SUPT6H: variants seen among roughly 807,000 people sequenced by gnomAD.
SUPT6H encodes the protein SPT6 homolog, histone chaperone and transcription elongation factor, also known as transcription elongation factor SPT6.
Under a neutral mutation model 222.3 loss-of-function variants are expected in SUPT6H, and 11 were observed. The observed-to-expected ratio is 0.05, with a 90% CI of 0.03 to 0.08. The LOEUF is 0.08. SUPT6H is among the 10% of genes least tolerant of loss of function. The pLI is 1.00. For synonymous variants in SUPT6H, 762 were observed against 801.2 expected, an observed-to-expected ratio of 0.95 and a Z score of 0.83; for missense variants, 1,422 against 2,216.0, an observed-to-expected ratio of 0.64 and a Z score of 7.19.
rs1408296042 is a variant in SUPT6H at position 28,667,403 on chromosome 17, GTGTATATATATATATATA to G, written c.-32+5063_-32+5080del. Among the ~76,000 whole-genome samples, 290 of 42,372 alleles carry G rather than the reference GTGTATATATATATATATA, an allele frequency of 6.8e-3. 3 individuals carry two copies. The highest frequency in any genetic ancestry group is 0.036 in the Middle Eastern group (1 of 28). The allele number at this position is 42,372 out of a possible 152,430, so 27.8% of individuals were successfully genotyped here. A position where few individuals can be genotyped will look rare whatever the true frequency, so the allele number is the denominator to read the frequency against. ...AAAAAAAAAAAAAAAAAGTGTGTGT[GTGTATATATATATATATA>G]TATATATATATATATGTATGTGTGT... On this transcript the variant is annotated intron_variant, in intron 1 of 36. Transcript: ENST00000314616.
Position 28,676,435 on chromosome 17 carries a change from A to G in SUPT6H, c.897+5A>G. The G allele has an allele frequency of 6.2e-6, 10 of 1,613,622 alleles. No homozygotes were observed. Among genetic ancestry groups the G allele is most frequent in the Non-Finnish European group, 8.5e-6 (10 of 1,180,008 alleles). ...GACCTGCCTGAGAGGTTCCAGGTAA[A>G]AAACCACCAGCCTCTGCTCTTCTAC... is the stretch of plus-strand genomic sequence containing the variant. On this transcript the variant is annotated splice_donor_5th_base_variant and intron_variant, in intron 7 of 36. Transcript: ENST00000314616.
intron 33 of SUPT6H, 54 bp downstream of exon 33, chr17:28,699,947 C>T: frequency 6.4e-7 from 1 of 1,552,848 alleles, no homozygotes; most frequent in Non-Finnish European, 8.9e-7. Flanking sequence ...CACCTAGGAC[C>T]TGACTCAGAG....
At chr17:28,665,532 C>T (rs982135126) in intron 1 of SUPT6H, among the ~76,000 whole-genome samples, 2 of 152,052 alleles carry the variant, frequency 1.3e-5, no homozygotes, top group African/African-American at 2.4e-5. Context: ...CTGAGGCAGG[C>T]GGATCACCTG....
intron 1 of SUPT6H, 79 bp downstream of exon 1, chr17:28,662,421 G>A (rs1357519657): frequency 1.9e-5 from 3 of 154,776 alleles, no homozygotes; most frequent in Admixed American, 6.4e-5. Flanking sequence ...TCACGTAAGG[G>A]AAGAGGCAGT....
chr17:28,679,796 C>A (rs1296337334), intron 11 of SUPT6H, among the ~76,000 whole-genome samples: 2 of 151,582 alleles, frequency 1.3e-5, no homozygotes, highest in East Asian at 4.0e-4. Context: ...TCGAGACCAG[C>A]CTGGCCAACA....
chr17:28,687,046 T>G (rs2031417805), intron 21 of SUPT6H, 42 bp from the exon 22 acceptor site: 1 of 1,605,606 alleles, frequency 6.2e-7, no homozygotes, highest in African/African-American at 1.3e-5. Flanking sequence ...ATGTTGTAGC[T>G]AAGGGGATTT....
chr17:28,671,514 G>T (rs2030415561), intron 1 of SUPT6H, among the ~76,000 whole-genome samples: 1 of 152,194 alleles, frequency 6.6e-6, no homozygotes, highest in Non-Finnish European at 1.5e-5. Context: ...GAGTGATGCT[G>T]AGTGTGTCAG....
chr17:28,668,320 A>G (rs968539024), intron 1 of SUPT6H, among the ~76,000 whole-genome samples: 1 of 152,248 alleles, frequency 6.6e-6, no homozygotes, highest in African/African-American at 2.4e-5. Flanking sequence ...ATAATCATAC[A>G]CAAATAAATA....
chr17:28,694,878 C>A (rs1342405717), intron 28 of SUPT6H: 1 of 154,328 alleles, frequency 6.5e-6, no homozygotes, highest in African/African-American at 2.4e-5. Context: ...GTGGCACACG[C>A]CTGTAATCCC....
Position 28,687,290 on chromosome 17 carries a change from C to T in SUPT6H, c.2839-14C>T, listed in dbSNP as rs749277338. 3.7e-6 allele frequency: 6 copies of T among 1,614,030 alleles called. No homozygotes were observed. Reference sequence around the variant, plus strand: ...GGCAGAGTAACCTTACTCCTGCCTGCTGAATGTCCACAGGAGCATGTGGTG... The same window carrying T: ...GGCAGAGTAACCTTACTCCTGCCTGTTGAATGTCCACAGGAGCATGTGGTG... On this transcript the variant is annotated splice_polypyrimidine_tract_variant and intron_variant, in intron 22 of 36. Coordinates refer to ENST00000314616, the MANE Select transcript of SUPT6H (RefSeq NM_003170.5).
chr17:28,667,397 G>C (rs1478955998), intron 1 of SUPT6H, among the ~76,000 whole-genome samples: 1 of 24,640 alleles, frequency 4.1e-5, no homozygotes, highest in African/African-American at 1.2e-4. Flanking sequence ...AAAAAAAAGT[G>C]TGTGTGTGTA....
Position 28,687,192 on chromosome 17 carries a change from A to C in SUPT6H, c.2805A>C (p.Glu935Asp). ...IEFAQVCSSD[E>D]DILCLKFHPL... is the part of the protein sequence containing the mutation. ...TTGCCCAGGTGTGCAGTTCCGATGA[A>C]GACATCCTGTGTCTCAAGTTTCACC... The change falls in exon 22 of 37, where the codon GAA (glutamate) becomes GAC (aspartate). Residue 935 changes from glutamate (E) to aspartate (D), a missense_variant. Glu to Asp is a conservative substitution (Grantham distance 45, BLOSUM62 2). Coordinates refer to ENST00000314616, the MANE Select transcript of SUPT6H (RefSeq NM_003170.5). The C allele has an allele frequency of 6.2e-7, 1 of 1,614,184 alleles. No individual in the cohort carries two copies. Among genetic ancestry groups the C allele is most frequent in the Non-Finnish European group, 8.5e-7 (1 of 1,180,042 alleles).
chr17:28,699,267 C>G (rs1329938241), intron 32 of SUPT6H, among the ~76,000 whole-genome samples: 1 of 152,190 alleles, frequency 6.6e-6, no homozygotes, highest in African/African-American at 2.4e-5. Context: ...TAACTTGGTG[C>G]AGCGTGTCAT....
At chr17:28,672,268 T>G (rs2030464144) in intron 1 of SUPT6H, among the ~76,000 whole-genome samples, 1 of 152,184 alleles carries the variant, frequency 6.6e-6, no homozygotes, top group South Asian at 2.1e-4. Flanking sequence ...TACCACCATA[T>G]CCCCACTTAA....
At chr17:28,673,973 A>C (rs1046977804) in intron 2 of SUPT6H, among the ~76,000 whole-genome samples, 2 of 152,258 alleles carry the variant, frequency 1.3e-5, no homozygotes, top group African/African-American at 4.8e-5. Flanking sequence ...ATAGCTGCTG[A>C]GTTTACAAAC....
chr17:28,700,266 C>T lies in SUPT6H; in HGVS notation c.4639+16C>T, dbSNP rs1240740396. The T allele has an allele frequency of 2.5e-6, 4 of 1,614,134 alleles. No individual in the cohort carries two copies. In the African/African-American group the frequency reaches 4.0e-5, roughly 16 times the overall value. On this transcript the variant is annotated intron_variant, in intron 34 of 36. Coordinates refer to ENST00000314616, the MANE Select transcript of SUPT6H (RefSeq NM_003170.5). The stretch of plus-strand genomic sequence containing the variant: ...AACCTTGCAGGTGAGGAGCTTGAGC[C>T]TGGGACTGGAGGTGGGAAGGATGGA...
intron 17 of SUPT6H, among the ~76,000 whole-genome samples, chr17:28,684,086 TCTCCTGAA>T (rs1352021054): frequency 6.6e-6 from 1 of 152,044 alleles, no homozygotes; most frequent in African/African-American, 2.4e-5. Context: ...ATGGTCTCAA[TCTCCTGAA>T]CTCATGATCT....
Position 28,685,475 on chromosome 17 carries a change from T to C in SUPT6H, c.2487+514T>C, listed in dbSNP as rs200400137. Among the ~76,000 whole-genome samples the C allele has an allele frequency of 1.5e-4, 3 of 20,198 alleles. No homozygotes were observed. The East Asian group carries it at 0.012, about 78-fold the overall frequency. 13.3% of individuals were successfully genotyped at this position (20,198 alleles called of 152,430 possible). On this transcript the variant is annotated intron_variant, in intron 19 of 36. Transcript: ENST00000314616. ...ATTTTTTAAATTTTATTATTATCAT[T>C]ATTATTATTATTATTATTATTATTA...
rs2030867458 is a variant in SUPT6H, at chr17:28,678,071, T to C, written c.1000-5T>C. Reference sequence around the variant, plus strand: ...TCTTGCTATTTCTTTATTTTCCTACTGTAGGAAAGCTGTGATTACCTAGAC... The same window carrying C: ...TCTTGCTATTTCTTTATTTTCCTACCGTAGGAAAGCTGTGATTACCTAGAC... On this transcript the variant is annotated splice_polypyrimidine_tract_variant and splice_region_variant and intron_variant, in intron 8 of 36. Transcript: ENST00000314616. 1.9e-6 allele frequency: 3 copies of C among 1,611,724 alleles called. No homozygotes were observed. Among genetic ancestry groups the C allele is most frequent in the Middle Eastern group, 1.6e-4 (1 of 6,064 alleles).
Sources: gnomAD v4.1 joint callset for allele counts (sites outside exome capture counted in the v4.1 genomes callset) on GRCh38, gnomAD v4.1.1 for gene constraint, MANE v1.5 for transcripts, NCBI Gene and HGNC (gene_info 2026-07-23, HGNC 2026-07-21) for gene names.